Variants in HUWE1 observed in about 807,000 individuals in gnomAD.
The protein encoded by HUWE1 is HECT, UBA and WWE domain containing E3 ubiquitin protein ligase 1.
HUWE1 carries 18 observed loss-of-function variants against 299.4 expected under a neutral mutation model. The ratio of observed to expected loss-of-function variants is 0.06; its 90% CI spans 0.04 to 0.09. The LOEUF is 0.09. Ranked by LOEUF, HUWE1 falls within the 10% of genes least tolerant of loss-of-function variation. The pLI, the probability that HUWE1 is intolerant of heterozygous loss-of-function variation, is 1.00. For synonymous variants in HUWE1, 1,317 were observed against 1,286.1 expected (o/e 1.02, Z -0.51); for missense variants, 1,832 against 3,462.3 (o/e 0.53, Z 11.82).
chrX:53,660,574 T>A (rs897055028), intron 3 of HUWE1, among the ~76,000 whole-genome samples: 4 of 112,013 alleles, frequency 3.6e-5, no homozygotes, highest in African/African-American at 1.3e-4. Flanking sequence ...ATACTGAGTG[T>A]CCATTACAAG....
intron 39 of HUWE1, among the ~76,000 whole-genome samples, chrX:53,586,010 G>A (rs2063839399): frequency 8.9e-6 from 1 of 111,923 alleles, no homozygotes; most frequent in Non-Finnish European, 1.9e-5. Flanking sequence ...AAATTAGTCC[G>A]TGGTATTACG....
chrX:53,591,468 T>A (rs2064156455), intron 33 of HUWE1, among the ~76,000 whole-genome samples: 1 of 111,565 alleles, frequency 9.0e-6, no homozygotes, highest in African/African-American at 3.3e-5. Flanking sequence ...GAAAACAAAC[T>A]GGTAACAGAG....
chrX:53,547,710 T>C lies in HUWE1; in HGVS notation c.10599A>G (p.Thr3533=). The C allele has an allele frequency of 8.3e-7, 1 of 1,209,097 alleles. No individual in the cohort carries two copies. The highest frequency in any genetic ancestry group is 1.1e-6 in the Non-Finnish European group (1 of 893,997). Residue 3533 remains threonine (T), a synonymous_variant, in exon 68 of 84, where the codon ACA becomes ACG. Transcript: ENST00000262854. ...TGGTAGCAGTCGTGGGGGTAGTCACTGTGGTCGAAGCAGCTACGACAATGG... is the reference window on the plus strand; with the variant it reads ...TGGTAGCAGTCGTGGGGGTAGTCACCGTGGTCGAAGCAGCTACGACAATGG... The part of the protein sequence containing the change: ...ISTIVVAAST[T]VTTPTTATTT...
chrX:53,615,320 C>T (rs782793169), intron 22 of HUWE1, among the ~76,000 whole-genome samples: 3 of 109,364 alleles, frequency 2.7e-5, no homozygotes, highest in Non-Finnish European at 5.7e-5. Context: ...CTCCGCCTCC[C>T]GAGTTCAAGT....
chrX:53,567,558 T>C (rs942101911), intron 49 of HUWE1, among the ~76,000 whole-genome samples: 8 of 112,233 alleles, frequency 7.1e-5, no homozygotes, highest in African/African-American at 2.6e-4. Context: ...ATACTGCCTT[T>C]ATAATAGAAA....
intron 4 of HUWE1, among the ~76,000 whole-genome samples, chrX:53,648,599 G>GAC (rs2068243564): frequency 1.1e-5 from 1 of 93,237 alleles, no homozygotes; most frequent in Non-Finnish European, 2.0e-5. Context: ...GGTAGATGCA[G>GAC]ACAAACTATT....
intron 68 of HUWE1, 75 bp downstream of exon 68, chrX:53,547,594 GAACT>G: frequency 8.5e-7 from 1 of 1,172,521 alleles, no homozygotes; most frequent in Non-Finnish European, 1.1e-6. Context: ...CACTGAGGGA[GAACT>G]ATCTGGATGG....
At chrX:53,567,350 T>G (rs1556946819) in intron 49 of HUWE1, among the ~76,000 whole-genome samples, 1 of 81,222 alleles carries the variant, frequency 1.2e-5, no homozygotes, top group African/African-American at 4.7e-5. Context: ...TTTAGTCATC[T>G]TGAAGGGGCC....
Position 53,562,106 on chromosome X carries a change from C to A in HUWE1, c.7338+5G>T. On this transcript the variant is annotated splice_donor_5th_base_variant and intron_variant, in intron 54 of 83. Coordinates refer to ENST00000262854, the MANE Select transcript of HUWE1 (RefSeq NM_031407.7). The stretch of plus-strand genomic sequence containing the variant: ...TGAACCAACCCAAACGCAGTCCCCC[C>A]TCACCTGATCATCTTCCTCATCTTC... 1 of 1,209,784 alleles carries A rather than the reference C, an allele frequency of 8.3e-7. No homozygotes were observed. The highest frequency in any genetic ancestry group is 1.1e-6 in the Non-Finnish European group (1 of 893,964).
chrX:53,645,271 C>T, intron 7 of HUWE1, 40 bp downstream of exon 7: 1 of 1,199,359 alleles, frequency 8.3e-7, no homozygotes, highest in Non-Finnish European at 1.1e-6. Flanking sequence ...ACCATATGCT[C>T]CAATTTTTGC....
chrX:53,548,341 GA>G, intron 67 of HUWE1, 68 bp from the exon 68 acceptor site: 1 of 1,141,185 alleles, frequency 8.8e-7, no homozygotes. Flanking sequence ...TCCTGATAGG[GA>G]AAAGACAACT....
At chrX:53,649,896 G>A (rs2068337209) in intron 4 of HUWE1, among the ~76,000 whole-genome samples, 1 of 112,245 alleles carries the variant, frequency 8.9e-6, no homozygotes, top group Admixed American at 9.4e-5. Context: ...TCTTTACCAA[G>A]GCCCAGTAGC....
intron 74 of HUWE1, among the ~76,000 whole-genome samples, chrX:53,540,963 A>T (rs2061318790): frequency 1.8e-5 from 2 of 111,826 alleles, no homozygotes; most frequent in South Asian, 7.5e-4. Context: ...TGCAAATCAT[A>T]TGACCTTAGG....
chrX:53,584,367 A>T (rs781861157), intron 40 of HUWE1, 22 bp from the exon 41 acceptor site: 1 of 1,179,495 alleles, frequency 8.5e-7, no homozygotes, highest in Non-Finnish European at 1.2e-6. Flanking sequence ...AACAGACATT[A>T]AAAAAACCTC....
rs781828964 is a variant in HUWE1 at position 53,548,043 on chromosome X, A to G, written c.10266T>C (p.Ser3422=). The change falls in exon 68 of 84, where the codon TCT becomes TCC. Residue 3422 remains serine (S), a synonymous_variant. Transcript: ENST00000262854. ...GTGGAGAGGCCTCGAGGCTGTATGG[A>G]GAGGTTTCCCCCTCACCGCCAGCGC... is the stretch of plus-strand genomic sequence containing the variant. ...PVSAGGEGET[S]PYSLEASPLG... 8.3e-7 allele frequency: 1 copy of G among 1,210,610 alleles called. No homozygotes were observed. The highest frequency in any genetic ancestry group is 1.1e-6 in the Non-Finnish European group (1 of 894,958).
At chrX:53,575,472 GAA>G (rs1182473145) in intron 45 of HUWE1, among the ~76,000 whole-genome samples, 169 bp downstream of exon 45, 1 of 111,040 alleles carries the variant, frequency 9.0e-6, no homozygotes, top group Non-Finnish European at 1.9e-5. Flanking sequence ...TCCTAGGAGA[GAA>G]AAAAAAGTCT....
intron 43 of HUWE1, among the ~76,000 whole-genome samples, chrX:53,578,718 G>A (rs1201963157): frequency 1.3e-5 from 1 of 75,247 alleles, no homozygotes; most frequent in Non-Finnish European, 2.6e-5. Context: ...CCCCGTCCGG[G>A]AGGTGAGGGG....
rs782528069 is a variant in HUWE1 at position 53,541,316 on chromosome X, C to T, written c.11476+1127G>A. 5.4e-5 allele frequency among the ~76,000 whole-genome samples: 6 copies of T among 111,673 alleles called. No homozygotes were observed. The South Asian group carries it at 1.1e-3, about 21-fold the overall frequency. On this transcript the variant is annotated intron_variant, in intron 74 of 83. Coordinates refer to ENST00000262854, the MANE Select transcript of HUWE1 (RefSeq NM_031407.7). ...ACACGGGAGACTAAGGCTGGTCGGC[C>T]GTGGCTCATGCCTGTAATCCCAGCA...
chrX:53,630,912 T>C (rs371016394), intron 12 of HUWE1, 23 bp downstream of exon 12: 77 of 910,539 alleles, frequency 8.5e-5, no homozygotes, highest in Non-Finnish European at 1.1e-4. Context: ...TACGGCCTGG[T>C]AATTAAAGTA....
Sources: gnomAD v4.1 joint callset for allele counts (sites outside exome capture counted in the v4.1 genomes callset) on GRCh38, gnomAD v4.1.1 for gene constraint, MANE v1.5 for transcripts, NCBI Gene and HGNC (gene_info 2026-07-23, HGNC 2026-07-21) for gene names.